Variants in PCM1 observed in about 807,000 individuals in gnomAD.
PCM1 encodes the protein pericentriolar material 1 protein.
Under a neutral mutation model 241.9 loss-of-function variants are expected in PCM1, and 157 were observed. The ratio of observed to expected loss-of-function variants is 0.65; its 90% CI spans 0.57 to 0.74. The LOEUF is 0.74. PCM1 is among the 30% of genes least tolerant of loss of function. The pLI is 0.00. For missense variants in PCM1, 3,478 were observed against 2,360.1 expected (o/e 1.47, Z -9.81); for synonymous variants, 1,085 against 784.9 (o/e 1.38, Z -6.39).
intron 31 of PCM1, 136 bp from the exon 32 acceptor site, chr8:18,010,473 T>C (rs1737391788): frequency 1.6e-5 from 10 of 609,414 alleles, no homozygotes; most frequent in South Asian, 1.5e-4. Flanking sequence ...CATGATACTA[T>C]AATAAATGAT....
chr8:17,954,855 C>G (rs188168166), intron 9 of PCM1, among the ~76,000 whole-genome samples: 5 of 152,262 alleles, frequency 3.3e-5, no homozygotes, highest in East Asian at 3.9e-4. Flanking sequence ...TAGCCATTAT[C>G]TAAATAGCAG....
chr8:17,960,056 A>G lies in PCM1; in HGVS notation c.2083A>G (p.Asn695Asp). 6.2e-6 allele frequency: 10 copies of G among 1,612,694 alleles called. No homozygotes were observed. Among genetic ancestry groups the G allele is most frequent in the East Asian group, 2.2e-5 (1 of 44,824 alleles). The stretch of plus-strand genomic sequence containing the variant: ...AGGAGTTATCTCTGCCAGTGCATCA[A>G]ATTTGGATGATTTCTACCCAGCAGA... ...AQGVISASASNLDDFYPAEED... is the reference protein window; with the variant it reads ...AQGVISASASDLDDFYPAEED... Residue 695 changes from asparagine to aspartate, a missense_variant, in exon 14 of 39, where the codon AAT becomes GAT. Coordinates refer to ENST00000325083, the MANE Select transcript of PCM1 (RefSeq NM_006197.4).
intron 29 of PCM1, among the ~76,000 whole-genome samples, chr8:18,004,932 C>T (rs1189560548): frequency 1.3e-5 from 2 of 152,292 alleles, no homozygotes; most frequent in South Asian, 4.1e-4. Context: ...ATCTGGTGTG[C>T]TTTCCCCCTC....
At chr8:17,961,024 C>T (rs2071637855) in intron 15 of PCM1, among the ~76,000 whole-genome samples, 1 of 152,070 alleles carries the variant, frequency 6.6e-6, no homozygotes, top group Non-Finnish European at 1.5e-5. Flanking sequence ...TTAAAATATT[C>T]TGATTTGACT....
chr8:18,007,543 TATG>T lies in PCM1; in HGVS notation c.4962+1149_4962+1151del, dbSNP rs149302674. Among the ~76,000 whole-genome samples the T allele has an allele frequency of 3.1e-3, 465 of 152,340 alleles. 2 individuals carry two copies. Among genetic ancestry groups the T allele is most frequent in the African/African-American group, 0.011 (444 of 41,580 alleles). ...GTAGCCCTTCCTCAGTTTTGCCTTC[TATG>T]ATAATTGTGGACAGATCCCAAAGCA... On this transcript the variant is annotated intron_variant, in intron 30 of 38. Coordinates refer to ENST00000325083, the MANE Select transcript of PCM1 (RefSeq NM_006197.4).
At chr8:17,925,454 A>G (rs1334067207) in intron 2 of PCM1, 1 of 152,208 alleles carries the variant, frequency 6.6e-6, no homozygotes, top group Non-Finnish European at 1.5e-5. Flanking sequence ...GCTTTTTAGA[A>G]ATAATTGCTC....
At chr8:17,954,504 A>C (rs759525256) in intron 9 of PCM1, among the ~76,000 whole-genome samples, 6 of 152,008 alleles carry the variant, frequency 3.9e-5, no homozygotes, top group African/African-American at 1.4e-4. Flanking sequence ...TCAGTTTTGT[A>C]TGCATAAAGT....
chr8:17,973,277 T>C (rs1425254623), intron 23 of PCM1, among the ~76,000 whole-genome samples: 1 of 152,232 alleles, frequency 6.6e-6, no homozygotes, highest in Non-Finnish European at 1.5e-5. Flanking sequence ...TTCTGTGATT[T>C]TTGAATTATT....
intron 4 of PCM1, 96 bp downstream of exon 4, chr8:17,937,475 A>G (rs896881631): frequency 8.5e-7 from 1 of 1,173,316 alleles, no homozygotes; most frequent in Admixed American, 3.2e-5. Flanking sequence ...TGAGCTGTTT[A>G]TGTAATTTTT....
At chr8:17,958,222 C>T (rs935211958) in intron 13 of PCM1, among the ~76,000 whole-genome samples, 1 of 152,122 alleles carries the variant, frequency 6.6e-6, no homozygotes, top group Non-Finnish European at 1.5e-5. Flanking sequence ...TTAAAGAGAT[C>T]TTAATTGCCG....
At chr8:17,964,307 T>C (rs1336459108) in intron 17 of PCM1, among the ~76,000 whole-genome samples, 1 of 152,154 alleles carries the variant, frequency 6.6e-6, no homozygotes, top group Admixed American at 6.6e-5. Flanking sequence ...AAGGGTAGTT[T>C]AGCTTTGGGA....
chr8:18,009,688 C>T lies in PCM1; in HGVS notation c.5104C>T (p.Gln1702Ter). 1 of 1,528,652 alleles carries T rather than the reference C, an allele frequency of 6.5e-7. No individual in the cohort carries two copies. The highest frequency in any genetic ancestry group is 8.8e-7 in the Non-Finnish European group (1 of 1,139,510). The allele number at this position is 1,528,652 out of a possible 1,614,324, so 94.7% of individuals were successfully genotyped here. Residue 1702 changes from glutamine to a stop codon, truncating the protein, a stop_gained, in exon 31 of 39, where the codon CAG (glutamine) becomes TAG (stop). Transcript: ENST00000325083. LOFTEE classifies it high-confidence loss of function. ...GGATAATAATAGTATAACTGTTAAA[C>T]AGAGATGCAAAAGGAAAATAGAAGC... The part of the protein sequence containing the change: ...DLDNNSITVK[Q>*]RCKRKIEATG...
At chr8:17,927,134 T>TG (rs1489965688) in intron 2 of PCM1, 2 of 151,210 alleles carry the variant, frequency 1.3e-5, no homozygotes, top group Non-Finnish European at 3.0e-5. Context: ...ATTTTTTTTT[T>TG]TTTTTTTTTG....
At chr8:17,959,225 A>T (rs1252236503) in intron 13 of PCM1, among the ~76,000 whole-genome samples, 1 of 151,974 alleles carries the variant, frequency 6.6e-6, no homozygotes, top group East Asian at 1.9e-4. Flanking sequence ...CCCACTCCAC[A>T]TTGTCTCAGA....
intron 34 of PCM1, among the ~76,000 whole-genome samples, chr8:18,012,544 G>T (rs934105118): frequency 6.6e-6 from 1 of 152,104 alleles, no homozygotes; most frequent in African/African-American, 2.4e-5. Flanking sequence ...GGATGAGGCG[G>T]TGCTTTTTTA....
chr8:17,932,740 T>C (rs939513447), intron 2 of PCM1, among the ~76,000 whole-genome samples: 2 of 152,170 alleles, frequency 1.3e-5, no homozygotes, highest in Admixed American at 6.5e-5. Context: ...TGTTCTAAAT[T>C]TAGTAAGTTC....
intron 25 of PCM1, 57 bp downstream of exon 25, chr8:17,985,676 C>A: frequency 7.6e-7 from 1 of 1,309,260 alleles, no homozygotes; most frequent in Non-Finnish European, 1.1e-6. Context: ...TCATGATTAT[C>A]TCTGGTTGCT....
In PCM1 at chr8:18,006,363, A is replaced by T; in HGVS notation, c.4928A>T (p.Lys1643Met). The change falls in exon 30 of 39, where the codon AAG becomes ATG. Residue 1643 changes from lysine (K) to methionine (M), a missense_variant. By Grantham distance (95) the Lys-to-Met change is moderately conservative. Coordinates refer to ENST00000325083, the MANE Select transcript of PCM1 (RefSeq NM_006197.4). ...AATGATGAGAGCAAAGAGTTTGTAA[A>T]GTTCTTTCATAAACAACTTGGAAGT... is the stretch of plus-strand genomic sequence containing the variant. ...QQNDESKEFV[K>M]FFHKQLGSIL... 1.2e-6 allele frequency: 2 copies of T among 1,613,060 alleles called. No homozygotes were observed. The highest frequency in any genetic ancestry group is 8.5e-7 in the Non-Finnish European group (1 of 1,179,154).
In PCM1 at chr8:17,947,267, C is replaced by A; in HGVS notation, c.865C>A (p.Gln289Lys). The change falls in exon 7 of 39, where the codon CAG (glutamine) becomes AAG (lysine). Residue 289 changes from glutamine to lysine, a missense_variant. Gln to Lys is a moderately conservative substitution (Grantham distance 53, BLOSUM62 1). Transcript: ENST00000325083. ...QHDLLKRMLQ[Q>K]QEQLRALQGR... ...TGATTTATTAAAAAGAATGTTACAA[C>A]AGCAGGAGCAACTAAGAGCTCTACA... 1.9e-6 allele frequency: 3 copies of A among 1,610,618 alleles called. No homozygotes were observed. In the South Asian group the frequency reaches 3.3e-5, roughly 18 times the overall value.
Sources: gnomAD v4.1 joint callset for allele counts (sites outside exome capture counted in the v4.1 genomes callset) on GRCh38, gnomAD v4.1.1 for gene constraint, MANE v1.5 for transcripts, NCBI Gene and HGNC (gene_info 2026-07-23, HGNC 2026-07-21) for gene names.